Variants in MYO9A observed in about 807,000 individuals in gnomAD.
The protein encoded by MYO9A is myosin IXA, also known as unconventional myosin-IXa.
In MYO9A, 103 loss-of-function variants were observed where a neutral mutation model predicts 293.3. The observed-to-expected ratio is 0.35, with a 90% CI of 0.30 to 0.41. The LOEUF (loss-of-function observed/expected upper bound fraction) is 0.41. Among genes scored for constraint, MYO9A ranks in the 10% least tolerant of loss-of-function variants. MYO9A has a pLI of 1.00. For missense variants in MYO9A, 2,685 were observed against 3,033.0 expected (o/e 0.89, Z 2.69); for synonymous variants, 1,001 against 1,035.7 (o/e 0.97, Z 0.64).
chr15:72,029,468 GGTAA>G (rs1339893377), intron 3 of MYO9A, among the ~76,000 whole-genome samples: 1 of 152,054 alleles, frequency 6.6e-6, no homozygotes, highest in African/African-American at 2.4e-5. Flanking sequence ...GTAACACAAT[GGTAA>G]GTATTTGTGC....
At chr15:71,912,469 T>C (rs1158851392) in intron 19 of MYO9A, among the ~76,000 whole-genome samples, 1 of 152,208 alleles carries the variant, frequency 6.6e-6, no homozygotes, top group East Asian at 1.9e-4. Context: ...TTGGCCAGGC[T>C]GGTCTCGAAC....
chr15:72,107,479 G>A (rs2080612732), intron 1 of MYO9A, among the ~76,000 whole-genome samples: 1 of 152,148 alleles, frequency 6.6e-6, no homozygotes, highest in South Asian at 2.1e-4. Context: ...AACCCCGGAG[G>A]CAGAAGTTGC....
At chr15:72,067,956 A>G (rs1238345703) in intron 1 of MYO9A, among the ~76,000 whole-genome samples, 2 of 152,228 alleles carry the variant, frequency 1.3e-5, no homozygotes, top group African/African-American at 4.8e-5. Context: ...ACTCATAAGA[A>G]CAACACAAAG....
chr15:72,015,329 TAAAAC>T (rs1222853123), intron 6 of MYO9A, among the ~76,000 whole-genome samples: 3 of 152,176 alleles, frequency 2.0e-5, no homozygotes, highest in Non-Finnish European at 4.4e-5. Flanking sequence ...CAAAAATACT[TAAAAC>T]AGAGTAGATG....
At chr15:71,971,583 CA>C (rs1404369780) in intron 12 of MYO9A, among the ~76,000 whole-genome samples, 1 of 103,146 alleles carries the variant, frequency 9.7e-6, no homozygotes, top group Non-Finnish European at 1.9e-5. Flanking sequence ...GACACTGTCT[CA>C]AAAAAAAAGA....
In MYO9A at chr15:71,900,896, A is replaced by C. The variant is rs16956381; in HGVS notation, c.3150+295T>G. Among the ~76,000 whole-genome samples the C allele has an allele frequency of 0.2, 30,483 of 152,132 alleles. 3,306 individuals carry two copies. The highest frequency in any genetic ancestry group is 0.41 in the East Asian group (2,109 of 5,148). On this transcript the variant is annotated intron_variant, in intron 23 of 41. Coordinates refer to ENST00000356056, the MANE Select transcript of MYO9A (RefSeq NM_006901.4). The stretch of plus-strand genomic sequence containing the variant: ...ATCACTCCAAAAACTATTAAATAAA[A>C]ACAACTATGTCAACAAATATTAGGT...
chr15:71,913,447 T>C (rs989691123), intron 19 of MYO9A, among the ~76,000 whole-genome samples: 15 of 152,314 alleles, frequency 9.8e-5, no homozygotes, highest in African/African-American at 3.1e-4. Flanking sequence ...CCTTCCAAAA[T>C]AAAAAATCTA....
At chr15:71,930,935 C>T (rs1056305020) in intron 18 of MYO9A, among the ~76,000 whole-genome samples, 1 of 152,128 alleles carries the variant, frequency 6.6e-6, no homozygotes, top group African/African-American at 2.4e-5. Context: ...AAAAACTAAA[C>T]TTTCATTGCA....
At chr15:72,089,591 G>T (rs529828800) in intron 1 of MYO9A, among the ~76,000 whole-genome samples, 1 of 152,112 alleles carries the variant, frequency 6.6e-6, no homozygotes, top group Admixed American at 6.5e-5. Flanking sequence ...ACCAGTCTGG[G>T]CAACATAGTG....
intron 18 of MYO9A, among the ~76,000 whole-genome samples, chr15:71,924,804 C>T (rs1437692355): frequency 6.6e-6 from 1 of 151,724 alleles, no homozygotes; most frequent in Non-Finnish European, 1.5e-5. Flanking sequence ...CCTGTAACCC[C>T]AGCTATTTGG....
chr15:71,947,560 T>C (rs572958654), intron 15 of MYO9A, among the ~76,000 whole-genome samples: 6 of 152,360 alleles, frequency 3.9e-5, no homozygotes, highest in African/African-American at 1.4e-4. Context: ...ATATACATTT[T>C]ATTTTTCAAA....
At chr15:71,905,944 T>C (rs2143961157) in intron 19 of MYO9A, among the ~76,000 whole-genome samples, 1 of 152,130 alleles carries the variant, frequency 6.6e-6, no homozygotes, top group Middle Eastern at 3.4e-3. Context: ...AGGTAGAAAT[T>C]TAGATTATTG....
chr15:71,910,341 T>C (rs1313552856), intron 19 of MYO9A, among the ~76,000 whole-genome samples: 4 of 151,750 alleles, frequency 2.6e-5, no homozygotes, highest in Admixed American at 1.3e-4. Flanking sequence ...TTAAAGTTCA[T>C]ATGAATGGAA....
intron 1 of MYO9A, among the ~76,000 whole-genome samples, chr15:72,100,213 C>G (rs1389911744): frequency 1.3e-5 from 2 of 151,836 alleles, no homozygotes; most frequent in African/African-American, 4.8e-5. Flanking sequence ...TGAAACCTGT[C>G]TCTACAAAAA....
rs200996947 is a variant in MYO9A, at chr15:71,846,116, T to A, written c.6837+2729A>T. Among the ~76,000 whole-genome samples the A allele has an allele frequency of 3.3e-5, 5 of 152,276 alleles. No homozygotes were observed. The East Asian group carries it at 9.6e-4, about 29-fold the overall frequency. ...ATGGTGTGAATGCCAACACCCAGGA[T>A]TTAGCCAGAAGATGTAACCATATCT... On this transcript the variant is annotated intron_variant, in intron 39 of 41. Transcript: ENST00000356056.
At chr15:72,100,888 G>A (rs1471962623) in intron 1 of MYO9A, among the ~76,000 whole-genome samples, 11 of 121,650 alleles carry the variant, frequency 9.0e-5, no homozygotes, top group Non-Finnish European at 1.8e-4. Context: ...TCAGCCCCCC[G>A]CCGGCCAGCC....
Position 71,830,261 on chromosome 15 carries a change from A to C in MYO9A, c.6888T>G (p.Val2296=). Residue 2296 remains valine, a synonymous_variant, in exon 40 of 42, where the codon GTT becomes GTG. Transcript: ENST00000356056. The part of the protein sequence containing the change: ...RGNYPGPSSP[V]VVRLPSVSDV... ...CAGACACAGAAGGCAACCGAACTAC[A>C]ACAGGAGACGATGGACCTGGATAGT... 6.2e-7 allele frequency: 1 copy of C among 1,614,070 alleles called. No individual in the cohort carries two copies. The highest frequency in any genetic ancestry group is 8.5e-7 in the Non-Finnish European group (1 of 1,179,972).
chr15:71,912,926 T>C (rs2057903313), intron 19 of MYO9A, among the ~76,000 whole-genome samples: 1 of 152,146 alleles, frequency 6.6e-6, no homozygotes, highest in South Asian at 2.1e-4. Flanking sequence ...TCTTTTTAAC[T>C]GGTTTTAGCA....
chr15:72,094,242 AAAG>A (rs2080008143), intron 1 of MYO9A, among the ~76,000 whole-genome samples: 1 of 88,588 alleles, frequency 1.1e-5, no homozygotes, highest in African/African-American at 2.6e-5. Context: ...GAGGAAGAAG[AAAG>A]AAGGAAGAGG....
Sources: allele counts gnomAD v4.1 joint callset (sites outside exome capture counted in the v4.1 genomes callset), GRCh38; gene constraint gnomAD v4.1.1; transcripts MANE v1.5; gene names NCBI Gene and HGNC (gene_info 2026-07-23, HGNC 2026-07-21).